Variants in EFCAB5 observed in about 807,000 individuals in gnomAD.
EFCAB5 encodes the protein EF-hand calcium-binding domain-containing protein 5.
Under a neutral mutation model 167.9 loss-of-function variants are expected in EFCAB5, and 131 were observed. The observed-to-expected ratio is 0.78, with a 90% CI of 0.68 to 0.90. The LOEUF is 0.90. Ranked by LOEUF, EFCAB5 falls within the 40% of genes least tolerant of loss-of-function variation. EFCAB5 has a pLI of 0.00. For missense variants in EFCAB5, 1,663 were observed against 1,745.2 expected (o/e 0.95, Z 0.84); for synonymous variants, 574 against 602.8 (o/e 0.95, Z 0.70).
chr17:29,952,941 A>G (rs568879922), intron 3 of EFCAB5, among the ~76,000 whole-genome samples: 22 of 152,290 alleles, frequency 1.4e-4, no homozygotes, highest in African/African-American at 5.3e-4. Flanking sequence ...TCTTGCTATT[A>G]TTATATGATA....
At chr17:29,986,942 C>T (rs571298769) in intron 4 of EFCAB5, among the ~76,000 whole-genome samples, 42 of 152,194 alleles carry the variant, frequency 2.8e-4, no homozygotes, top group Non-Finnish European at 4.6e-4. Flanking sequence ...CCACCGCGCC[C>T]GGCCGAGTAT....
At chr17:29,977,436 C>T (rs2068083984) in intron 4 of EFCAB5, among the ~76,000 whole-genome samples, 1 of 152,138 alleles carries the variant, frequency 6.6e-6, no homozygotes, top group Non-Finnish European at 1.5e-5. Flanking sequence ...CCTCTCTTTT[C>T]TCAACTAGTC....
chr17:30,091,922 T>C lies in EFCAB5; in HGVS notation c.3989T>C (p.Ile1330Thr). 1 of 1,614,028 alleles carries C rather than the reference T, an allele frequency of 6.2e-7. No homozygotes were observed. The highest frequency in any genetic ancestry group is 8.5e-7 in the Non-Finnish European group (1 of 1,179,898). ...VQRAGILFFR[I>T]MLLELQESIQ... is the part of the protein sequence containing the mutation. Reference sequence around the variant, plus strand: ...CGGGCAGGAATTCTCTTCTTCCGAATCATGCTGCTCGAGCTACAGGAAAGC... The same window carrying C: ...CGGGCAGGAATTCTCTTCTTCCGAACCATGCTGCTCGAGCTACAGGAAAGC... The change falls in exon 21 of 23, where the codon ATC becomes ACC. Residue 1330 changes from isoleucine to threonine, a missense_variant. By Grantham distance (89) the Ile-to-Thr change is moderately conservative. Transcript: ENST00000394835.
intron 4 of EFCAB5, among the ~76,000 whole-genome samples, chr17:29,980,573 A>G (rs2068153849): frequency 6.6e-6 from 1 of 152,076 alleles, no homozygotes; most frequent in South Asian, 2.1e-4. Context: ...CTCTTCCATG[A>G]TATCATACTT....
chr17:29,941,434 CT>C (rs944890029), upstream of EFCAB5, among the ~76,000 whole-genome samples: 6 of 151,882 alleles, frequency 4.0e-5, no homozygotes, highest in African/African-American at 1.2e-4. Context: ...TTTACCTCAC[CT>C]TGTTATCTCA....
At chr17:30,028,999 T>C (rs1432153508) in intron 7 of EFCAB5, among the ~76,000 whole-genome samples, 1 of 152,184 alleles carries the variant, frequency 6.6e-6, no homozygotes, top group Non-Finnish European at 1.5e-5. Flanking sequence ...GCTGTCAACA[T>C]ATTAATTTTA....
At chr17:29,943,958 G>A (rs1376613665) in intron 3 of EFCAB5, among the ~76,000 whole-genome samples, 1 of 152,164 alleles carries the variant, frequency 6.6e-6, no homozygotes, top group Admixed American at 6.5e-5. Flanking sequence ...GGGTGACAGA[G>A]CGAAACTCCA....
chr17:30,006,892 A>C (rs764338195), intron 7 of EFCAB5, among the ~76,000 whole-genome samples: 8 of 152,196 alleles, frequency 5.3e-5, no homozygotes, highest in Non-Finnish European at 1.0e-4. Context: ...CCTGGATTCA[A>C]GCGATCCTTC....
intron 19 of EFCAB5, among the ~76,000 whole-genome samples, chr17:30,089,988 G>A (rs545363266): frequency 1.1e-4 from 16 of 152,246 alleles, no homozygotes; most frequent in Admixed American, 3.3e-4. Context: ...GCGAACACTC[G>A]CTCAGTAAAT....
chr17:29,966,974 A>AT (rs1252239194), intron 3 of EFCAB5, among the ~76,000 whole-genome samples: 1 of 151,978 alleles, frequency 6.6e-6, no homozygotes, highest in Admixed American at 6.6e-5. Flanking sequence ...AGGAGTTCTG[A>AT]TTTTTTTAAT....
In EFCAB5 at chr17:29,945,965, A is replaced by G. The variant is rs145111317; in HGVS notation, c.190+2316A>G. Among the ~76,000 whole-genome samples the G allele has an allele frequency of 3.2e-3, 486 of 152,320 alleles. 2 individuals are homozygous for G. Among genetic ancestry groups the G allele is most frequent in the Non-Finnish European group, 5.5e-3 (377 of 68,018 alleles). ...AATGAAGACTCCAAAAGCAAATGCA[A>G]TAAAACAAAAAATAAATAAATGGGA... On this transcript the variant is annotated intron_variant, in intron 3 of 22. Transcript: ENST00000394835.
intron 22 of EFCAB5, among the ~76,000 whole-genome samples, chr17:30,102,264 T>G (rs565670450): frequency 8.5e-5 from 13 of 152,188 alleles, no homozygotes; most frequent in Non-Finnish European, 1.9e-4. Context: ...AGAGTGAAGA[T>G]GGGAGAAGAA....
At chr17:30,050,690 G>A (rs1288549238) in intron 8 of EFCAB5, among the ~76,000 whole-genome samples, 2 of 151,750 alleles carry the variant, frequency 1.3e-5, no homozygotes, top group Non-Finnish European at 2.9e-5. Context: ...ATTATTTCTG[G>A]GTGTTGGGAA....
At chr17:30,069,401 A>G (rs1322022505) in intron 14 of EFCAB5, 1 of 1,532,872 alleles carries the variant, frequency 6.5e-7, no homozygotes, top group South Asian at 1.1e-5. Context: ...GATCAAAGGG[A>G]GAGTGGTTGA....
chr17:30,080,740 TC>T lies in EFCAB5; in HGVS notation c.3198-12del. Reference sequence around the variant, plus strand: ...CTGTGCCTTTCTTCCATCCTCATACTCTTTTTCCTCAGCTTTACAGTAGTGG... The same window carrying T: ...CTGTGCCTTTCTTCCATCCTCATACTTTTTTCCTCAGCTTTACAGTAGTGG... On this transcript the variant is annotated splice_polypyrimidine_tract_variant and intron_variant, in intron 16 of 22. Transcript: ENST00000394835. 1 of 1,569,336 alleles carries T rather than the reference TC, an allele frequency of 6.4e-7. No homozygotes were observed. Among genetic ancestry groups the T allele is most frequent in the South Asian group, 1.2e-5 (1 of 86,808 alleles).
At chr17:29,941,891 A>G (rs1191272985) in intron 1 of EFCAB5, 53 bp downstream of exon 1, 1 of 1,517,700 alleles carries the variant, frequency 6.6e-7, no homozygotes, top group African/African-American at 1.4e-5. Context: ...GAGATTCAAC[A>G]TTCTTGGGAA....
intron 4 of EFCAB5, among the ~76,000 whole-genome samples, chr17:29,980,564 T>C (rs553426450): frequency 2.6e-5 from 4 of 152,336 alleles, no homozygotes; most frequent in African/African-American, 9.6e-5. Context: ...TTTTCCCTCC[T>C]CTTCCATGAT....
chr17:30,098,362 A>C (rs1419092443), intron 22 of EFCAB5, among the ~76,000 whole-genome samples: 2 of 151,574 alleles, frequency 1.3e-5, no homozygotes, highest in East Asian at 2.0e-4. Context: ...CTGTCTCTGC[A>C]AAAAACTTGG....
intron 5 of EFCAB5, 111 bp downstream of exon 5, chr17:29,993,432 C>T (rs2068467723): frequency 1.7e-6 from 2 of 1,147,962 alleles, no homozygotes; most frequent in Admixed American, 2.8e-5. Flanking sequence ...TTCAGTATTG[C>T]TGAGGTAAGT....
Sources: gnomAD v4.1 joint callset for allele counts (sites outside exome capture counted in the v4.1 genomes callset) on GRCh38, gnomAD v4.1.1 for gene constraint, MANE v1.5 for transcripts, NCBI Gene and HGNC (gene_info 2026-07-23, HGNC 2026-07-21) for gene names.